Variants in VPS13B observed in about 807,000 individuals in gnomAD.
The protein encoded by VPS13B is intermembrane lipid transfer protein VPS13B.
A neutral mutation model predicts 426.4 loss-of-function variants in VPS13B; 285 were observed. That is an observed-to-expected ratio of 0.67 (90% CI 0.61 to 0.74). VPS13B has a LOEUF of 0.74. Among genes scored for constraint, VPS13B ranks in the 30% least tolerant of loss-of-function variants. The pLI, the probability that VPS13B is intolerant of heterozygous loss-of-function variation, is 0.00. For synonymous variants in VPS13B, 1,676 were observed against 1,676.4 expected (o/e 1.00, Z 0.01); for missense variants, 4,537 against 4,782.6 (o/e 0.95, Z 1.51).
At chr8:99,606,264 T>G (rs1827569685) in intron 33 of VPS13B, among the ~76,000 whole-genome samples, 1 of 152,108 alleles carries the variant, frequency 6.6e-6, no homozygotes, top group South Asian at 2.1e-4. Flanking sequence ...AAACTGACAT[T>G]ACTATTATAT....
intron 19 of VPS13B, among the ~76,000 whole-genome samples, chr8:99,325,681 T>G (rs1203770069): frequency 6.6e-6 from 1 of 152,184 alleles, no homozygotes; most frequent in Non-Finnish European, 1.5e-5. Context: ...TTATTTTCCA[T>G]GATTGGCAAG....
At chr8:99,065,761 T>G (rs1844458575) in intron 3 of VPS13B, among the ~76,000 whole-genome samples, 1 of 152,136 alleles carries the variant, frequency 6.6e-6, no homozygotes, top group Admixed American at 6.6e-5. Context: ...AAAACCCCAT[T>G]GTCTCAGCCC....
At chr8:99,263,161 T>G (rs1818137543) in intron 17 of VPS13B, among the ~76,000 whole-genome samples, 4 of 152,216 alleles carry the variant, frequency 2.6e-5, no homozygotes, top group Non-Finnish European at 5.9e-5. Context: ...CTCACTGCTT[T>G]TTAGAGGCAA....
At chr8:99,138,184 C>T (rs1482427748) in intron 12 of VPS13B, among the ~76,000 whole-genome samples, 2 of 152,086 alleles carry the variant, frequency 1.3e-5, no homozygotes, top group African/African-American at 2.4e-5. Context: ...CAGAGTGCAG[C>T]GTCATGATCT....
chr8:99,533,244 A>T (rs1293089217), intron 30 of VPS13B, among the ~76,000 whole-genome samples: 1 of 152,118 alleles, frequency 6.6e-6, no homozygotes, highest in Non-Finnish European at 1.5e-5. Context: ...TGGCCAATTT[A>T]CTGAGATTTT....
intron 33 of VPS13B, among the ~76,000 whole-genome samples, chr8:99,622,330 C>T (rs555258057): frequency 1.7e-3 from 262 of 152,250 alleles, no homozygotes; most frequent in African/African-American, 5.2e-3. Context: ...GCCAAGGTTT[C>T]GCCTCCAGGT....
At chr8:99,693,363 C>T (rs2130109332) in intron 35 of VPS13B, among the ~76,000 whole-genome samples, 1 of 150,920 alleles carries the variant, frequency 6.6e-6, no homozygotes, top group Admixed American at 6.6e-5. Flanking sequence ...AAGTGGGCAT[C>T]ATCCCTGGGA....
chr8:99,728,725 G>A (rs950088692), intron 39 of VPS13B, among the ~76,000 whole-genome samples: 2 of 152,166 alleles, frequency 1.3e-5, no homozygotes, highest in African/African-American at 4.8e-5. Flanking sequence ...CTGGTAGTAT[G>A]TCGACTACAG....
At chr8:99,142,257 C>G (rs1486173615) in intron 12 of VPS13B, among the ~76,000 whole-genome samples, 1 of 152,124 alleles carries the variant, frequency 6.6e-6, no homozygotes, top group Non-Finnish European at 1.5e-5. Context: ...ATTCTTTCTT[C>G]TTTTTGTCTG....
chr8:99,779,225 ATATAGGTT>A (rs1249063819), intron 42 of VPS13B, among the ~76,000 whole-genome samples, 194 bp downstream of exon 42: 5 of 152,192 alleles, frequency 3.3e-5, no homozygotes, highest in Non-Finnish European at 7.3e-5. Flanking sequence ...AAACTGGAGA[ATATAGGTT>A]CTCTACACAT....
At chr8:99,816,289 A>G (rs1305691759) in intron 44 of VPS13B, among the ~76,000 whole-genome samples, 1 of 151,938 alleles carries the variant, frequency 6.6e-6, no homozygotes, top group East Asian at 1.9e-4. Flanking sequence ...TTTAGTAGAG[A>G]CAGGGTTTCT....
Position 99,755,143 on chromosome 8 carries a change from G to A in VPS13B, c.7051-11631G>A, listed in dbSNP as rs1331544710. On this transcript the variant is annotated intron_variant, in intron 39 of 61. Transcript: ENST00000357162. ...CCCCAGGGATGTGTGCCTGCTCAGG[G>A]AAGACCTGAGAAGGTCCTGTACTCT... 2.0e-5 allele frequency among the ~76,000 whole-genome samples: 3 copies of A among 152,088 alleles called. No homozygotes were observed. The East Asian group carries it at 5.8e-4, about 29-fold the overall frequency.
In VPS13B at chr8:99,031,016, G is replaced by C. The variant is rs73699954; in HGVS notation, c.148-7407G>C. 3.7e-3 allele frequency among the ~76,000 whole-genome samples: 557 copies of C among 152,192 alleles called. 2 individuals carry two copies. Among genetic ancestry groups the C allele is most frequent in the African/African-American group, 0.012 (517 of 41,534 alleles). ...CTAGACGTAGGCTGTAGGAACTTTT[G>C]TTTATATCAGTTAGCCTAGGTAAAA... On this transcript the variant is annotated intron_variant, in intron 2 of 61. Transcript: ENST00000357162.
At chr8:99,208,998 C>T (rs952470761) in intron 17 of VPS13B, among the ~76,000 whole-genome samples, 19 of 152,066 alleles carry the variant, frequency 1.2e-4, no homozygotes, top group African/African-American at 4.3e-4. Flanking sequence ...AGAAATAATG[C>T]GACTGGGCAG....
At chr8:99,101,261 A>T (rs564152525) in intron 4 of VPS13B, among the ~76,000 whole-genome samples, 26 of 152,156 alleles carry the variant, frequency 1.7e-4, no homozygotes, top group African/African-American at 6.3e-4. Context: ...CCTCCTGAGT[A>T]GCTGGGACTA....
intron 17 of VPS13B, among the ~76,000 whole-genome samples, chr8:99,197,799 A>G (rs1279484977): frequency 1.3e-5 from 2 of 152,120 alleles, no homozygotes; most frequent in East Asian, 3.9e-4. Context: ...TTGTCTCAAG[A>G]TACATTTTGA....
chr8:99,028,722 A>AC lies in VPS13B; in HGVS notation c.148-9694dup, dbSNP rs1163736909. Among the ~76,000 whole-genome samples, 12 of 98,032 alleles carry AC rather than the reference A, an allele frequency of 1.2e-4. No individual in the cohort carries two copies. The South Asian group carries it at 1.5e-3, about 12-fold the overall frequency. 64.3% of individuals were successfully genotyped at this position (98,032 alleles called of 152,430 possible). ...GGGCGGCTGGCCGGGTGGGGGGCTG[A>AC]CCCCCCCACCTCCCTCCTGGACGGG... On this transcript the variant is annotated intron_variant, in intron 2 of 61. Transcript: ENST00000357162.
intron 35 of VPS13B, among the ~76,000 whole-genome samples, chr8:99,664,207 A>T (rs915972025): frequency 4.0e-5 from 6 of 151,876 alleles, no homozygotes; most frequent in African/African-American, 1.5e-4. Context: ...GGGTTTCAAC[A>T]TACTGGCCAG....
chr8:99,275,555 T>C (rs1033635898), intron 19 of VPS13B, among the ~76,000 whole-genome samples: 5 of 152,174 alleles, frequency 3.3e-5, no homozygotes, highest in African/African-American at 1.2e-4. Context: ...ATCATTATAA[T>C]GCATATTTTC....
Sources: allele counts gnomAD v4.1 joint callset (sites outside exome capture counted in the v4.1 genomes callset), GRCh38; gene constraint gnomAD v4.1.1; transcripts MANE v1.5; gene names NCBI Gene and HGNC (gene_info 2026-07-23, HGNC 2026-07-21).